The following SLC25A46 variants were observed in gnomAD, a reference collection of about 807,000 sequenced individuals.
SLC25A46 encodes the protein mitochondrial outer membrane protein SLC25A46.
In SLC25A46, 39 loss-of-function variants were observed where a neutral mutation model predicts 44.6. That is an observed-to-expected ratio of 0.87 (90% CI 0.68 to 1.14). The LOEUF is 1.14. Among genes scored for constraint, SLC25A46 ranks in the 50% most tolerant of loss-of-function variants. The probability of loss-of-function intolerance (pLI) is 0.00; values close to 1 mark genes in which losing one functional copy is unlikely to be tolerated. For missense variants in SLC25A46, 547 were observed against 522.7 expected, an observed-to-expected ratio of 1.05 and a Z score of -0.45; for synonymous variants, 202 against 185.8, an observed-to-expected ratio of 1.09 and a Z score of -0.71.
chr5:110,745,177 C>G (rs188399766), intron 3 of SLC25A46, among the ~76,000 whole-genome samples: 1 of 152,078 alleles, frequency 6.6e-6, no homozygotes, highest in Non-Finnish European at 1.5e-5. Context: ...TAATTTTGAA[C>G]TTGTCAAGCC....
At position 110,739,051 on chromosome 5, in the gene SLC25A46, T is replaced by G. The variant is rs2150403684; in HGVS notation, c.-69T>G. ...GCGGCGGCCGACGGGAAGCTGTGTG[T>G]GCTTAGGTCGTGGTGGCCCCGGTGG... On this transcript the variant is annotated 5_prime_UTR_variant, in exon 1 of 8. Coordinates refer to ENST00000355943, the MANE Select transcript of SLC25A46 (RefSeq NM_138773.4). The G allele has an allele frequency of 6.6e-7, 1 of 1,513,894 alleles. No homozygotes were observed. Among genetic ancestry groups the G allele is most frequent in the Non-Finnish European group, 8.8e-7 (1 of 1,138,716 alleles). The allele number at this position is 1,513,894 out of a possible 1,614,324, so 93.8% of individuals were successfully genotyped here. A position where few individuals can be genotyped will look rare whatever the true frequency, so the allele number is the denominator to read the frequency against.
intron 5 of SLC25A46, chr5:110,753,671 AACAGAT>A (rs1210788464): frequency 6.6e-6 from 1 of 152,112 alleles, no homozygotes; most frequent in Non-Finnish European, 1.5e-5. Flanking sequence ...AGTAGTAGAG[AACAGAT>A]ACAAAGAAGA....
Position 110,756,776 on chromosome 5 carries a change from T to C in SLC25A46, c.678+17T>C, listed in dbSNP as rs762524085. 2.7e-6 allele frequency: 4 copies of C among 1,503,542 alleles called. No individual in the cohort carries two copies. The highest frequency in any genetic ancestry group is 3.5e-6 in the Non-Finnish European group (4 of 1,130,050). The allele number at this position is 1,503,542 out of a possible 1,614,324, so 93.1% of individuals were successfully genotyped here. ...ACAGTGCAGGTGAGCTTTTTTTTAC[T>C]GTCATTTTTTTTTTATTTAAGAATA... On this transcript the variant is annotated intron_variant, in intron 7 of 7. Transcript: ENST00000355943.
At chr5:110,750,477 AC>A (rs1025682533) in intron 5 of SLC25A46, among the ~76,000 whole-genome samples, 3 of 152,006 alleles carry the variant, frequency 2.0e-5, no homozygotes, top group Non-Finnish European at 4.4e-5. Context: ...TGATTCCAGG[AC>A]CCCCAGTGGA....
chr5:110,758,818 G>T (rs200635487), intron 7 of SLC25A46, among the ~76,000 whole-genome samples: 2 of 151,736 alleles, frequency 1.3e-5, no homozygotes, highest in African/African-American at 4.8e-5. Context: ...AGAAATCCTT[G>T]TACTAGTCTC....
intron 4 of SLC25A46, 124 bp from the exon 5 acceptor site, chr5:110,748,036 TCTA>T (rs1167673952): frequency 1.6e-6 from 1 of 608,008 alleles, no homozygotes; most frequent in Non-Finnish European, 2.9e-6. Flanking sequence ...ATTGTAGTTC[TCTA>T]CTAATATTTC....
In SLC25A46 at chr5:110,743,793, T is replaced by G; in HGVS notation, c.384+6T>G. On this transcript the variant is annotated splice_donor_region_variant and intron_variant, in intron 3 of 7. Coordinates refer to ENST00000355943, the MANE Select transcript of SLC25A46 (RefSeq NM_138773.4). ...TTCTACGCCGCCAATGTCAGGTAAATGTAATTTCTGTGATCTTTTGAAGCA... is the reference window on the plus strand; with the variant it reads ...TTCTACGCCGCCAATGTCAGGTAAAGGTAATTTCTGTGATCTTTTGAAGCA... The G allele has an allele frequency of 1.9e-6, 3 of 1,602,476 alleles. No individual in the cohort carries two copies. The highest frequency in any genetic ancestry group is 2.6e-6 in the Non-Finnish European group (3 of 1,172,096).
At chr5:110,756,456 A>G (rs563500596) in intron 6 of SLC25A46, among the ~76,000 whole-genome samples, 1 of 152,222 alleles carries the variant, frequency 6.6e-6, no homozygotes, top group Admixed American at 6.6e-5. Flanking sequence ...TAGATGTCCA[A>G]TCTATTTTCT....
chr5:110,739,305 G>A lies in SLC25A46; in HGVS notation c.186G>A (p.Pro62=), dbSNP rs554993391. The A allele has an allele frequency of 1.9e-6, 3 of 1,571,080 alleles. No individual in the cohort carries two copies. The highest frequency in any genetic ancestry group is 3.8e-5 in the Admixed American group (2 of 53,318). Residue 62 remains proline (P), a synonymous_variant, in exon 1 of 8, where the codon CCG becomes CCA. Transcript: ENST00000355943. ...SRNLHWGEKS[P]PYGVPTTSTP... ...ACCTGCACTGGGGCGAGAAGAGCCCGCCCTACGGCGTGCCCACCACCTCCA... is the reference window on the plus strand; with the variant it reads ...ACCTGCACTGGGGCGAGAAGAGCCCACCCTACGGCGTGCCCACCACCTCCA...
intron 1 of SLC25A46, among the ~76,000 whole-genome samples, chr5:110,741,484 T>G (rs1799689303): frequency 2.6e-5 from 4 of 152,218 alleles, no homozygotes; most frequent in Admixed American, 2.0e-4. Flanking sequence ...CTTGTAGTTA[T>G]TGGTTTAATA....
intron 4 of SLC25A46, 135 bp downstream of exon 4, chr5:110,746,481 C>T (rs942319348): frequency 5.1e-6 from 3 of 585,912 alleles, no homozygotes; most frequent in Non-Finnish European, 6.0e-6. Flanking sequence ...TAAAGTAGCA[C>T]AACGATATGT....
At chr5:110,744,921 C>A (rs1799779685) in intron 3 of SLC25A46, among the ~76,000 whole-genome samples, 1 of 152,134 alleles carries the variant, frequency 6.6e-6, no homozygotes, top group South Asian at 2.1e-4. Context: ...ACTCAAAGGT[C>A]AAGGATTCAT....
intron 3 of SLC25A46, 60 bp from the exon 4 acceptor site, chr5:110,746,209 G>T: frequency 2.3e-6 from 3 of 1,277,006 alleles, no homozygotes; most frequent in Non-Finnish European, 2.2e-6. Context: ...TTCTTTCATG[G>T]CTCTGTTATT....
chr5:110,755,507 C>T lies in SLC25A46; in HGVS notation c.606C>T (p.His202=), dbSNP rs756484321. 4.4e-5 allele frequency: 70 copies of T among 1,573,524 alleles called. No homozygotes were observed. Among genetic ancestry groups the T allele is most frequent in the Non-Finnish European group, 5.9e-5 (69 of 1,160,674 alleles). The change falls in exon 6 of 8, where the codon CAC becomes CAT. Residue 202 remains histidine, a synonymous_variant. Coordinates refer to ENST00000355943, the MANE Select transcript of SLC25A46 (RefSeq NM_138773.4). The part of the protein sequence containing the change: ...HKWSPKQIGE[H]LLLKSLTYVV... Reference sequence around the variant, plus strand: ...GGAGTCCTAAACAAATAGGAGAACACCTTCTACTGAAATCGTAAGTATCAA... The same window carrying T: ...GGAGTCCTAAACAAATAGGAGAACATCTTCTACTGAAATCGTAAGTATCAA...
rs1164068029 is a variant in SLC25A46 at position 110,761,659 on chromosome 5, G to C, written c.1134G>C (p.Gln378His). Residue 378 changes from glutamine to histidine, a missense_variant, in exon 8 of 8, where the codon CAG becomes CAC. By Grantham distance (24) the Gln-to-His change is conservative. Transcript: ENST00000355943. The surrounding 1 kb of genome is among the most constrained non-coding windows in gnomAD (Gnocchi z 5.3). ...GAGACTGTATCAATACCATAAGGCA[G>C]GAGGAAGGAGTGTTTGGTTTTTATA... ...GMRDCINTIR[Q>H]EEGVFGFYKG... 8.7e-6 allele frequency: 14 copies of C among 1,613,578 alleles called. No individual in the cohort carries two copies. The highest frequency in any genetic ancestry group is 1.2e-5 in the Non-Finnish European group (14 of 1,179,702).
Position 110,762,275 on chromosome 5 carries a change from T to G in SLC25A46, c.*493T>G, listed in dbSNP as rs1412459541. On this transcript the variant is annotated 3_prime_UTR_variant, in exon 8 of 8. Coordinates refer to ENST00000355943, the MANE Select transcript of SLC25A46 (RefSeq NM_138773.4). ...TTATTGAAAAAGACTTAAGGGATGA[T>G]TAGACTTGGCAATCTGTAAGCAGGA... 6.5e-6 allele frequency: 1 copy of G among 153,932 alleles called. No individual in the cohort carries two copies. Among genetic ancestry groups the G allele is most frequent in the Non-Finnish European group, 1.4e-5 (1 of 69,374 alleles). The allele number at this position is 153,932 out of a possible 1,614,324, so 9.5% of individuals were successfully genotyped here. A position where few individuals can be genotyped will look rare whatever the true frequency, so the allele number is the denominator to read the frequency against.
chr5:110,749,904 T>C (rs372074230), intron 5 of SLC25A46, among the ~76,000 whole-genome samples: 1 of 152,194 alleles, frequency 6.6e-6, no homozygotes, highest in East Asian at 1.9e-4. Context: ...TCTGATTTTC[T>C]ATATCAGCAC....
rs751659870 is a variant in SLC25A46, at chr5:110,739,071, C to A, written c.-49C>A. Reference sequence around the variant, plus strand: ...GTGTGTGCTTAGGTCGTGGTGGCCCCGGTGGTGGTGGGCTCCGGGCGGGCT... The same window carrying A: ...GTGTGTGCTTAGGTCGTGGTGGCCCAGGTGGTGGTGGGCTCCGGGCGGGCT... On this transcript the variant is annotated 5_prime_UTR_variant, in exon 1 of 8. Transcript: ENST00000355943. The A allele has an allele frequency of 4.6e-6, 7 of 1,531,088 alleles. No homozygotes were observed. The highest frequency in any genetic ancestry group is 2.1e-5 in the Admixed American group (1 of 48,496). The allele number at this position is 1,531,088 out of a possible 1,614,324, so 94.8% of individuals were successfully genotyped here.
rs1391190251 is a variant in SLC25A46, at chr5:110,761,919, A to G, written c.*137A>G. The G allele has an allele frequency of 1.4e-6, 1 of 709,694 alleles. No individual in the cohort carries two copies. Among genetic ancestry groups the G allele is most frequent in the African/African-American group, 1.8e-5 (1 of 55,606 alleles). 44.0% of individuals were successfully genotyped at this position (709,694 alleles called of 1,614,324 possible). On this transcript the variant is annotated 3_prime_UTR_variant, in exon 8 of 8. Transcript: ENST00000355943. This position sits in a 1 kb window ranked among gnomAD's most constrained non-coding sequence, Gnocchi z 5.3. ...ATTGGTACTAAAGCCCATACTGATT[A>G]TCTTGACTTTGTTTTTTAAGGCATA...
Sources: allele counts gnomAD v4.1 joint callset (sites outside exome capture counted in the v4.1 genomes callset), GRCh38; gene constraint gnomAD v4.1.1; non-coding constraint Gnocchi (gnomAD v3.1); transcripts MANE v1.5; gene names NCBI Gene and HGNC (gene_info 2026-07-23, HGNC 2026-07-21).